NOD1: variants seen among roughly 807,000 people sequenced by gnomAD.
NOD1 encodes nucleotide binding oligomerization domain containing 1, also known as nucleotide-binding oligomerization domain-containing protein 1.
A neutral mutation model predicts 81.2 loss-of-function variants in NOD1; 70 were observed. The ratio of observed to expected loss-of-function variants is 0.86; its 90% CI spans 0.71 to 1.05. The LOEUF (loss-of-function observed/expected upper bound fraction) is 1.05. Among genes scored for constraint, NOD1 ranks in the 50% least tolerant of loss-of-function variants. The probability of loss-of-function intolerance (pLI) is 0.00; values close to 1 mark genes in which losing one functional copy is unlikely to be tolerated. For missense variants in NOD1, 1,233 were observed against 1,228.0 expected, an observed-to-expected ratio of 1.00 and a Z score of -0.06; for synonymous variants, 508 against 526.9, an observed-to-expected ratio of 0.96 and a Z score of 0.49.
chr7:30,435,444 T>C (rs543800946), intron 11 of NOD1, among the ~76,000 whole-genome samples: 2 of 152,282 alleles, frequency 1.3e-5, no homozygotes, highest in South Asian at 2.1e-4. Flanking sequence ...GTTCTAGTTC[T>C]CCTGGGGCCT....
chr7:30,472,609 G>T (rs936368468), intron 1 of NOD1, among the ~76,000 whole-genome samples: 4 of 152,346 alleles, frequency 2.6e-5, no homozygotes, highest in South Asian at 4.1e-4. Flanking sequence ...CGATTTGATG[G>T]TGTTTACAGA....
intron 3 of NOD1, 50 bp from the exon 4 acceptor site, chr7:30,457,092 T>C (rs3020207): frequency 0.33 from 203,449 of 612,008 alleles, 39,798 homozygotes; most frequent in African/African-American, 0.72. Context: ...CAGAAAGAGC[T>C]CACCCCACCT....
At chr7:30,475,290 C>G (rs1034555174) in intron 1 of NOD1, among the ~76,000 whole-genome samples, 1 of 152,166 alleles carries the variant, frequency 6.6e-6, no homozygotes, top group Non-Finnish European at 1.5e-5. Context: ...AATGACAGAA[C>G]AGAAGGCCAA....
At chr7:30,445,278 T>TAAAAAAAAAAAAAA (rs55875433) in intron 9 of NOD1, among the ~76,000 whole-genome samples, 7 of 69,178 alleles carry the variant, frequency 1.0e-4, no homozygotes, top group Non-Finnish European at 1.5e-4. Context: ...AAAAAGAATC[T>TAAAAAAAAAAAAAA]AAAAAAAAAA....
chr7:30,461,946 G>C (rs1378803804), intron 1 of NOD1, among the ~76,000 whole-genome samples: 3 of 152,080 alleles, frequency 2.0e-5, no homozygotes, highest in African/African-American at 7.2e-5. Context: ...CACCGTGTTA[G>C]CCAGGATGGT....
intron 7 of NOD1, 80 bp from the exon 8 acceptor site, chr7:30,447,130 G>A: frequency 6.2e-7 from 1 of 1,607,940 alleles, no homozygotes; most frequent in Non-Finnish European, 8.5e-7. Context: ...AGCATATGGT[G>A]TCTACTGATT....
In NOD1 at chr7:30,452,576, A is replaced by C. The variant is rs1415794686; in HGVS notation, c.841T>G (p.Phe281Val). 3.1e-6 allele frequency: 5 copies of C among 1,613,518 alleles called. No individual in the cohort carries two copies. The highest frequency in any genetic ancestry group is 2.2e-5 in the South Asian group (2 of 91,090). ...AGCTCGTCCAGGCCATCGAAGGTGA[A>C]GAGGGCCACGTGGGGGAAGCGCAGC... ...FLLRFPHVAL[F>V]TFDGLDELHS... The change falls in exon 6 of 14, where the codon TTC becomes GTC. Residue 281 changes from phenylalanine (F) to valine (V), a missense_variant. By Grantham distance (50) the Phe-to-Val change is conservative. Coordinates refer to ENST00000222823, the MANE Select transcript of NOD1 (RefSeq NM_006092.4).
rs986757860 is a variant in NOD1, at chr7:30,469,003, A to C, written c.-351-8962T>G. The C allele has an allele frequency of 8.1e-6, 8 of 985,338 alleles. No homozygotes were observed. In the African/African-American group the frequency reaches 1.4e-4, roughly 17 times the overall value. The allele number at this position is 985,338 out of a possible 1,614,324, so 61.0% of individuals were successfully genotyped here. ...ACAGCATCTGGCAGGAGCCAGCACC[A>C]AGCACACCTTACACAGCTTCGACAG... On this transcript the variant is annotated intron_variant, in intron 1 of 13. Transcript: ENST00000222823.
In NOD1 at chr7:30,452,304, C is replaced by T. The variant is rs775804179; in HGVS notation, c.1113G>A (p.Gln371=). ...CCTCCAGCTGGCTCAGCAGGCGGTC[C>T]TGCAGGGCCCGCTCGGGGAACATCC... is the stretch of plus-strand genomic sequence containing the variant. The part of the protein sequence containing the change: ...ARRMFPERAL[Q]DRLLSQLEAN... Residue 371 remains glutamine, a synonymous_variant, in exon 6 of 14, where the codon CAG becomes CAA. Transcript: ENST00000222823. The T allele has an allele frequency of 6.2e-7, 1 of 1,613,452 alleles. No homozygotes were observed. The highest frequency in any genetic ancestry group is 8.5e-7 in the Non-Finnish European group (1 of 1,179,918).
intron 7 of NOD1, chr7:30,447,269 T>G (rs192112133): frequency 1.5e-4 from 93 of 609,530 alleles, no homozygotes; most frequent in Admixed American, 2.8e-4. Flanking sequence ...TCACGTTACC[T>G]CTCTGTGCCT....
At chr7:30,470,129 C>T (rs1203148299) in intron 1 of NOD1, among the ~76,000 whole-genome samples, 1 of 152,232 alleles carries the variant, frequency 6.6e-6, no homozygotes, top group Non-Finnish European at 1.5e-5. Flanking sequence ...GTTCCAATCA[C>T]CAGCTATGTG....
intron 9 of NOD1, among the ~76,000 whole-genome samples, chr7:30,439,314 C>A (rs555250752): frequency 7.1e-6 from 1 of 140,698 alleles, no homozygotes; most frequent in Admixed American, 6.8e-5. Context: ...ACGCAGAAGA[C>A]GGGTGATTTC....
At chr7:30,433,346 A>C (rs568247051) in intron 11 of NOD1, 167 bp from the exon 12 acceptor site, 4 of 602,778 alleles carry the variant, frequency 6.6e-6, no homozygotes, top group Non-Finnish European at 1.2e-5. Context: ...TCAGCCCCAC[A>C]GAAGGTCAAT....
intron 1 of NOD1, among the ~76,000 whole-genome samples, chr7:30,461,583 C>T (rs1787082185): frequency 1.3e-5 from 2 of 152,208 alleles, no homozygotes; most frequent in South Asian, 4.1e-4. Context: ...TTGGATCAAC[C>T]ACATTTCCAG....
intron 11 of NOD1, among the ~76,000 whole-genome samples, chr7:30,433,786 A>G (rs1278869106): frequency 2.6e-5 from 4 of 152,182 alleles, no homozygotes; most frequent in African/African-American, 9.7e-5. Flanking sequence ...ATCATTAGGA[A>G]GAAGAATAGA....
chr7:30,474,394 C>A (rs931592998), intron 1 of NOD1, among the ~76,000 whole-genome samples: 6 of 152,200 alleles, frequency 3.9e-5, no homozygotes, highest in Non-Finnish European at 8.8e-5. Flanking sequence ...GAAGGTCACA[C>A]AGTTAGTTAA....
chr7:30,451,734 G>C lies in NOD1; in HGVS notation c.1683C>G (p.Pro561=), dbSNP rs1200280562. ...CCTGCAGGCACTGGAACGGGAGGAAGGGAGGATAGCAGGACGTGGTCGCTG... is the reference window on the plus strand; with the variant it reads ...CCTGCAGGCACTGGAACGGGAGGAACGGAGGATAGCAGGACGTGGTCGCTG... ...AGAATTSCYP[P]FLPFQCLQGS... Residue 561 remains proline (P), a synonymous_variant, in exon 6 of 14, where the codon CCC becomes CCG. Coordinates refer to ENST00000222823, the MANE Select transcript of NOD1 (RefSeq NM_006092.4). This position sits in a 1 kb window ranked among gnomAD's most constrained non-coding sequence, Gnocchi z 4.2. 6.2e-7 allele frequency: 1 copy of C among 1,613,748 alleles called. No individual in the cohort carries two copies. Among genetic ancestry groups the C allele is most frequent in the Non-Finnish European group, 8.5e-7 (1 of 1,180,044 alleles).
In NOD1 at chr7:30,433,070, T is replaced by C. The variant is rs755869156; in HGVS notation, c.2705+26A>G. The stretch of plus-strand genomic sequence containing the variant: ...AATACTTTTGAAAAGTAGCACAGTC[T>C]GAAATTGTAAGGCTCTCTGAGTTAC... On this transcript the variant is annotated intron_variant, in intron 12 of 13. Transcript: ENST00000222823. 9.1e-6 allele frequency: 14 copies of C among 1,536,972 alleles called. No individual in the cohort carries two copies. In the Admixed American group the frequency reaches 1.7e-4, roughly 19 times the overall value.
intron 11 of NOD1, chr7:30,433,526 T>TGATA: frequency 3.3e-6 from 1 of 300,572 alleles, no homozygotes. Flanking sequence ...TCTCCTCTAG[T>TGATA]CCCAGGGTCC....
Sources: allele counts gnomAD v4.1 joint callset (sites outside exome capture counted in the v4.1 genomes callset), GRCh38; gene constraint gnomAD v4.1.1; non-coding constraint Gnocchi (gnomAD v3.1); transcripts MANE v1.5; gene names NCBI Gene and HGNC (gene_info 2026-07-23, HGNC 2026-07-21).